The following LACC1 variants were observed in gnomAD, a reference collection of about 807,000 sequenced individuals.
LACC1 encodes the protein purine nucleoside phosphorylase LACC1.
A neutral mutation model predicts 34.8 loss-of-function variants in LACC1; 25 were observed. The observed-to-expected ratio is 0.72, with a 90% CI of 0.52 to 1.00. The LOEUF is 1.00. Among genes scored for constraint, LACC1 ranks in the 50% least tolerant of loss-of-function variants. The pLI, the probability that LACC1 is intolerant of heterozygous loss-of-function variation, is 0.00. For missense variants in LACC1, 426 were observed against 511.2 expected, an observed-to-expected ratio of 0.83 and a Z score of 1.61; for synonymous variants, 162 against 168.0, an observed-to-expected ratio of 0.96 and a Z score of 0.28.
rs1049209258 is a variant in LACC1, at chr13:43,893,145, T to C, written c.*1698T>C. ...ACATTGCATCTTAAAAATATTCTTATTTAATACATATATTTCCTACATGTA... is the reference window on the plus strand; with the variant it reads ...ACATTGCATCTTAAAAATATTCTTACTTAATACATATATTTCCTACATGTA... On this transcript the variant is annotated 3_prime_UTR_variant, in exon 7 of 7. Coordinates refer to ENST00000325686, the MANE Select transcript of LACC1 (RefSeq NM_153218.4). The C allele has an allele frequency of 1.3e-5, 2 of 152,160 alleles. No homozygotes were observed. Among genetic ancestry groups the C allele is most frequent in the African/African-American group, 4.8e-5 (2 of 41,462 alleles). 9.4% of individuals were successfully genotyped at this position (152,160 alleles called of 1,614,324 possible).
In LACC1 at chr13:43,881,091, G is replaced by A. The variant is rs767081026; in HGVS notation, c.106G>A (p.Ala36Thr). 3.7e-6 allele frequency: 6 copies of A among 1,614,142 alleles called. No homozygotes were observed. Among genetic ancestry groups the A allele is most frequent in the East Asian group, 4.5e-5 (2 of 44,874 alleles). The change falls in exon 2 of 7, where the codon GCT (alanine) becomes ACT (threonine). Residue 36 changes from alanine (A) to threonine (T), a missense_variant. Physicochemically the swap from Ala to Thr is moderately conservative, Grantham distance 58. Around this residue, in one of 2 missense-constraint regions of LACC1, gnomAD observed 217 missense variants for 210.9 expected, o/e 1.03. Transcript: ENST00000325686. ...KTLNAVQYHHAAKAKFLCIMC... is the reference protein window; with the variant it reads ...KTLNAVQYHHTAKAKFLCIMC... ...TTTGAATGCTGTCCAATACCACCAT[G>A]CTGCCAAGGCCAAGTTTCTCTGTAT...
At chr13:43,885,997 G>GA (rs1435672509) in intron 4 of LACC1, among the ~76,000 whole-genome samples, 2 of 152,016 alleles carry the variant, frequency 1.3e-5, no homozygotes, top group African/African-American at 4.8e-5. Flanking sequence ...ACAAGCATAT[G>GA]AAAAAACGCT....
At position 43,893,704 on chromosome 13, in the gene LACC1, A is replaced by G. The variant is rs1955650538; in HGVS notation, c.*2257A>G. On this transcript the variant is annotated 3_prime_UTR_variant, in exon 7 of 7. Transcript: ENST00000325686. ...TTCCAATTCAGGGAAGGCACTAAAC[A>G]TAAAGCATAGGATAGAAATGTTGAA... is the stretch of plus-strand genomic sequence containing the variant. 1 of 152,148 alleles carries G rather than the reference A, an allele frequency of 6.6e-6. No individual in the cohort carries two copies. The highest frequency in any genetic ancestry group is 2.4e-5 in the African/African-American group (1 of 41,450). 9.4% of individuals were successfully genotyped at this position (152,148 alleles called of 1,614,324 possible).
At position 43,893,074 on chromosome 13, in the gene LACC1, A is replaced by G. The variant is rs9525869; in HGVS notation, c.*1627A>G. 0.52 allele frequency: 78,632 copies of G among 151,950 alleles called. 20,804 individuals are homozygous for G. The highest frequency in any genetic ancestry group is 0.66 in the East Asian group (3,516 of 5,312). The allele number at this position is 151,950 out of a possible 1,614,324, so 9.4% of individuals were successfully genotyped here. ...GTCAGTTAAAGAGAGGAATTAGGTTAGTTTTCATTTGGGAAAAATTGTATA... is the reference window on the plus strand; with the variant it reads ...GTCAGTTAAAGAGAGGAATTAGGTTGGTTTTCATTTGGGAAAAATTGTATA... On this transcript the variant is annotated 3_prime_UTR_variant, in exon 7 of 7. Transcript: ENST00000325686.
At chr13:43,879,800 AGGCGAGGCGG>A (rs1555394175), upstream of LACC1, 2 of 77,806 alleles carry the variant, frequency 2.6e-5, no homozygotes, top group African/African-American at 8.1e-5. Flanking sequence ...AGGCGGGGCG[AGGCGAGGCGG>A]GGCGAGGTGG....
chr13:43,885,295 C>T (rs1000810830), intron 4 of LACC1, among the ~76,000 whole-genome samples: 56 of 152,240 alleles, frequency 3.7e-4, no homozygotes, highest in South Asian at 6.2e-4. Context: ...GCCCAAATAG[C>T]CAAAGCTATC....
chr13:43,884,680 T>C (rs1294488834), intron 4 of LACC1, among the ~76,000 whole-genome samples: 1 of 152,196 alleles, frequency 6.6e-6, no homozygotes, highest in African/African-American at 2.4e-5. Flanking sequence ...ATAGCTGTGA[T>C]TTTGTGTGAA....
chr13:43,884,041 T>C (rs1212594951), intron 4 of LACC1, 105 bp downstream of exon 4: 15 of 859,610 alleles, frequency 1.7e-5, no homozygotes, highest in Non-Finnish European at 2.5e-5. Flanking sequence ...TACATTACAC[T>C]GTGGTAAGTG....
Position 43,882,003 on chromosome 13 carries a change from A to G in LACC1, c.563-182A>G, listed in dbSNP as rs144430412. ...ACAATATACCTTTTGAAGAGCAACA[A>G]TCTCATAGGGAGTGTAAAACAAACA... On this transcript the variant is annotated intron_variant, in intron 2 of 6. Coordinates refer to ENST00000325686, the MANE Select transcript of LACC1 (RefSeq NM_153218.4). Among the ~76,000 whole-genome samples, 233 of 152,338 alleles carry G rather than the reference A, an allele frequency of 1.5e-3. 2 individuals are homozygous for G. The highest frequency in any genetic ancestry group is 5.3e-3 in the African/African-American group (219 of 41,586).
rs1955573846 is a variant in LACC1 at position 43,891,678 on chromosome 13, C to A, written c.*231C>A. ...ATATGTTTTATGCATGAGAATTATT[C>A]TTAAAGTTTGTTCTCCCTGTTTATT... On this transcript the variant is annotated 3_prime_UTR_variant, in exon 7 of 7. Coordinates refer to ENST00000325686, the MANE Select transcript of LACC1 (RefSeq NM_153218.4). 4.1e-6 allele frequency: 2 copies of A among 483,204 alleles called. No homozygotes were observed. The highest frequency in any genetic ancestry group is 5.4e-6 in the Non-Finnish European group (2 of 371,202). 29.9% of individuals were successfully genotyped at this position (483,204 alleles called of 1,614,324 possible). A position where few individuals can be genotyped will look rare whatever the true frequency, so the allele number is the denominator to read the frequency against.
At position 43,892,682 on chromosome 13, in the gene LACC1, T is replaced by G. The variant is rs190930034; in HGVS notation, c.*1235T>G. ...ATACAGAGATGATACCTGATTCTAT[T>G]GGAGCAGGTTTGATCATCTAGGCAG... On this transcript the variant is annotated 3_prime_UTR_variant, in exon 7 of 7. Transcript: ENST00000325686. 1 of 152,230 alleles carries G rather than the reference T, an allele frequency of 6.6e-6. No individual in the cohort carries two copies. The highest frequency in any genetic ancestry group is 1.9e-4 in the East Asian group (1 of 5,182). 9.4% of individuals were successfully genotyped at this position (152,230 alleles called of 1,614,324 possible). A position where few individuals can be genotyped will look rare whatever the true frequency, so the allele number is the denominator to read the frequency against.
At chr13:43,884,332 A>G (rs1350251323) in intron 4 of LACC1, among the ~76,000 whole-genome samples, 1 of 152,186 alleles carries the variant, frequency 6.6e-6, no homozygotes, top group Non-Finnish European at 1.5e-5. Flanking sequence ...CAACCAACCA[A>G]CCAATCAAAC....
chr13:43,890,975 G>A (rs895632792), intron 6 of LACC1, among the ~76,000 whole-genome samples: 6 of 152,180 alleles, frequency 3.9e-5, no homozygotes, highest in African/African-American at 1.4e-4. Flanking sequence ...ATCAGGCGAG[G>A]GAGCCAGGCA....
rs752442690 is a variant in LACC1 at position 43,881,128 on chromosome 13, G to C, written c.143G>C (p.Ser48Thr). The change falls in exon 2 of 7, where the codon AGT (serine) becomes ACT (threonine). Residue 48 changes from serine to threonine, a missense_variant. By Grantham distance (58) the Ser-to-Thr change is moderately conservative. Around this residue, in one of 2 missense-constraint regions of LACC1, gnomAD observed 217 missense variants for 210.9 expected, o/e 1.03. Transcript: ENST00000325686. ...AAGTTTCTCTGTATAATGTGTTGCA[G>C]TAACATCAGCTATGAAAGGGATGGA... is the stretch of plus-strand genomic sequence containing the variant. ...KAKFLCIMCC[S>T]NISYERDGEQ... 14 of 1,614,164 alleles carry C rather than the reference G, an allele frequency of 8.7e-6. No individual in the cohort carries two copies. In the South Asian group the frequency reaches 1.4e-4, roughly 16 times the overall value.
rs574695291 is a variant in LACC1 at position 43,880,183 on chromosome 13, G to T, written c.-35+64G>T. ...CGGAAATTCACAATGAACAGGGAAG[G>T]GGGGACGGTCACCCACTCAAAACTG... On this transcript the variant is annotated intron_variant, in intron 1 of 6. Transcript: ENST00000325686. The T allele has an allele frequency of 1.6e-4, 6 of 37,828 alleles. 1 individual carries two copies. The South Asian group carries it at 5.2e-3, about 33-fold the overall frequency. The allele number at this position is 37,828 out of a possible 1,614,324, so 2.3% of individuals were successfully genotyped here. A position where few individuals can be genotyped will look rare whatever the true frequency, so the allele number is the denominator to read the frequency against.
chr13:43,886,328 T>C (rs1955322152), intron 4 of LACC1, among the ~76,000 whole-genome samples: 1 of 152,326 alleles, frequency 6.6e-6, no homozygotes, highest in South Asian at 2.1e-4. Context: ...ACAGCACTTT[T>C]CACAATAATG....
intron 1 of LACC1, 63 bp from the exon 2 acceptor site, chr13:43,880,889 A>G: frequency 9.1e-7 from 1 of 1,104,624 alleles, no homozygotes; most frequent in Admixed American, 2.5e-5. Flanking sequence ...ATCTACCACA[A>G]ATTTCTGTTG....
At chr13:43,886,662 C>T (rs2138335728) in intron 4 of LACC1, among the ~76,000 whole-genome samples, 1 of 152,220 alleles carries the variant, frequency 6.6e-6, no homozygotes, top group South Asian at 2.1e-4. Context: ...ATGTCCACTA[C>T]TTGGGTGATG....
chr13:43,881,111 C>G lies in LACC1; in HGVS notation c.126C>G (p.Leu42=). The change falls in exon 2 of 7, where the codon CTC becomes CTG. Residue 42 remains leucine (L), a synonymous_variant. Coordinates refer to ENST00000325686, the MANE Select transcript of LACC1 (RefSeq NM_153218.4). The part of the protein sequence containing the change: ...QYHHAAKAKF[L]CIMCCSNISY... ...ACCATGCTGCCAAGGCCAAGTTTCTCTGTATAATGTGTTGCAGTAACATCA... is the reference window on the plus strand; with the variant it reads ...ACCATGCTGCCAAGGCCAAGTTTCTGTGTATAATGTGTTGCAGTAACATCA... 6.2e-7 allele frequency: 1 copy of G among 1,614,154 alleles called. No homozygotes were observed. The highest frequency in any genetic ancestry group is 8.5e-7 in the Non-Finnish European group (1 of 1,180,024).
Sources: gnomAD v4.1 joint callset for allele counts (sites outside exome capture counted in the v4.1 genomes callset) on GRCh38, gnomAD v4.1.1 for gene constraint, gnomAD v4.1.1 regional missense constraint, MANE v1.5 for transcripts, NCBI Gene and HGNC (gene_info 2026-07-23, HGNC 2026-07-21) for gene names.